IL4: variants seen among roughly 807,000 people sequenced by gnomAD.
IL4 encodes the protein interleukin-4.
In IL4, 10 loss-of-function variants were observed where a neutral mutation model predicts 17.4. That is an observed-to-expected ratio of 0.57 (90% confidence interval 0.35 to 0.97). The LOEUF is 0.97. IL4 is among the 50% of genes least tolerant of loss of function. The pLI is 0.01. For missense variants in IL4, 174 were observed against 187.7 expected (o/e 0.93, Z 0.43); for synonymous variants, 87 against 79.0 (o/e 1.10, Z -0.54).
intron 2 of IL4, among the ~76,000 whole-genome samples, chr5:132,679,463 C>T (rs1340478911): frequency 1.3e-5 from 2 of 152,286 alleles, no homozygotes; most frequent in African/African-American, 2.4e-5. Flanking sequence ...TCGGCAAAAT[C>T]CTCCAAGAGA....
At chr5:132,677,017 G>A (rs972167613) in intron 2 of IL4, among the ~76,000 whole-genome samples, 2 of 152,194 alleles carry the variant, frequency 1.3e-5, no homozygotes, top group East Asian at 1.9e-4. Flanking sequence ...TTCTTGGGTG[G>A]ACAAGTAGTT....
chr5:132,677,026 T>C (rs944744594), intron 2 of IL4, among the ~76,000 whole-genome samples: 2 of 152,208 alleles, frequency 1.3e-5, no homozygotes, highest in African/African-American at 4.8e-5. Flanking sequence ...GGACAAGTAG[T>C]TGGAGCTATT....
intron 2 of IL4, among the ~76,000 whole-genome samples, chr5:132,675,891 G>A (rs1253756906): frequency 3.0e-4 from 44 of 146,766 alleles, no homozygotes; most frequent in African/African-American, 1.0e-3. Flanking sequence ...ATATGTGTGT[G>A]TGTATATATA....
At chr5:132,676,821 T>C (rs1752390901) in intron 2 of IL4, among the ~76,000 whole-genome samples, 1 of 152,244 alleles carries the variant, frequency 6.6e-6, no homozygotes, top group African/African-American at 2.4e-5. Flanking sequence ...ATTTTATTTC[T>C]TCGGGGGAAC....
intron 2 of IL4, among the ~76,000 whole-genome samples, chr5:132,674,858 T>C (rs1287122690): frequency 6.6e-6 from 1 of 152,232 alleles, no homozygotes; most frequent in Non-Finnish European, 1.5e-5. Flanking sequence ...CATACATTTC[T>C]GAAAAACCAA....
Position 132,679,855 on chromosome 5 carries a change from C to T in IL4, c.325C>T (p.Arg109Trp), listed in dbSNP as rs373334025. The T allele has an allele frequency of 2.5e-5, 40 of 1,613,740 alleles. No homozygotes were observed. The highest frequency in any genetic ancestry group is 3.1e-5 in the Non-Finnish European group (37 of 1,179,892). Residue 109 changes from arginine (R) to tryptophan (W), a missense_variant, in exon 3 of 4, where the codon CGG becomes TGG. By Grantham distance (101) the Arg-to-Trp change is moderately radical. Transcript: ENST00000231449. ...RHKQLIRFLK[R>W]LDRNLWGLAG... ...CAAGCAGCTGATCCGATTCCTGAAACGGCTCGACAGGAACCTCTGGGGCCT... is the reference window on the plus strand; with the variant it reads ...CAAGCAGCTGATCCGATTCCTGAAATGGCTCGACAGGAACCTCTGGGGCCT...
chr5:132,676,537 A>T (rs979304527), intron 2 of IL4, among the ~76,000 whole-genome samples: 2 of 151,796 alleles, frequency 1.3e-5, no homozygotes, highest in East Asian at 1.9e-4. Context: ...CCTCCCTCTC[A>T]CACACACAAA....
At chr5:132,678,778 C>A (rs998284468) in intron 2 of IL4, among the ~76,000 whole-genome samples, 2 of 152,204 alleles carry the variant, frequency 1.3e-5, no homozygotes, top group Admixed American at 6.5e-5. Context: ...AAGCTAAGAA[C>A]CCTCTCCAGG....
intron 2 of IL4, among the ~76,000 whole-genome samples, chr5:132,675,917 A>ATGTGTGTGTGTG (rs1321831614): frequency 1.4e-4 from 11 of 80,070 alleles, no homozygotes; most frequent in Admixed American, 1.5e-4. Context: ...GTATGTATAT[A>ATGTGTGTGTGTG]TGTGTATGTA....
At chr5:132,677,297 G>A (rs984792064) in intron 2 of IL4, among the ~76,000 whole-genome samples, 2 of 152,102 alleles carry the variant, frequency 1.3e-5, no homozygotes, top group East Asian at 1.9e-4. Flanking sequence ...TGACATTCCC[G>A]GGAGGGACAG....
At chr5:132,676,706 C>G (rs1032026782) in intron 2 of IL4, among the ~76,000 whole-genome samples, 2 of 152,194 alleles carry the variant, frequency 1.3e-5, no homozygotes, top group Non-Finnish European at 2.9e-5. Context: ...TATTTCAGAA[C>G]AGTGAAATGT....
At chr5:132,681,408 G>A (rs536066773) in intron 3 of IL4, among the ~76,000 whole-genome samples, 1 of 151,938 alleles carries the variant, frequency 6.6e-6, no homozygotes, top group Admixed American at 6.5e-5. Context: ...GGCCATGGGT[G>A]AGGCTGATGT....
In IL4 at chr5:132,674,054, G is replaced by T; in HGVS notation, c.4G>T (p.Gly2Cys). The T allele has an allele frequency of 6.2e-7, 1 of 1,614,022 alleles. No homozygotes were observed. Among genetic ancestry groups the T allele is most frequent in the Non-Finnish European group, 8.5e-7 (1 of 1,179,984 alleles). The change falls in exon 1 of 4, where the codon GGT (glycine) becomes TGT (cysteine). Residue 2 changes from glycine (G) to cysteine (C), a missense_variant. Coordinates refer to ENST00000231449, the MANE Select transcript of IL4 (RefSeq NM_000589.4). MGLTSQLLPPLF... is the reference protein window; with the variant it reads MCLTSQLLPPLF... ...CACTGCAAATCGACACCTATTAATG[G>T]GTCTCACCTCCCAACTGCTTCCCCC...
chr5:132,679,998 A>G (rs1338442295), intron 3 of IL4, 108 bp downstream of exon 3: 2 of 887,524 alleles, frequency 2.3e-6, no homozygotes, highest in Admixed American at 3.0e-5. Context: ...CAACCCATTC[A>G]TTCATTCACT....
At chr5:132,674,342 T>G in intron 1 of IL4, 117 bp from the exon 2 acceptor site, 1 of 1,364,928 alleles carries the variant, frequency 7.3e-7, no homozygotes, top group Non-Finnish European at 1.0e-6. Flanking sequence ...CTCTTTTTTC[T>G]GAGGGTTTGT....
chr5:132,678,308 T>A (rs9282745), intron 2 of IL4, among the ~76,000 whole-genome samples: 2,985 of 141,390 alleles, frequency 0.021, 111 homozygotes, highest in African/African-American at 0.073. Flanking sequence ...AGGAAATGCT[T>A]ATGGTATATG....
rs1178375795 is a variant in IL4 at position 132,680,186 on chromosome 5, CAT to C, written c.360+298_360+299del. Among the ~76,000 whole-genome samples, 2 of 152,054 alleles carry C rather than the reference CAT, an allele frequency of 1.3e-5. No homozygotes were observed. Among genetic ancestry groups the C allele is most frequent in the African/African-American group, 4.8e-5 (2 of 41,390 alleles). On this transcript the variant is annotated intron_variant, in intron 3 of 3. Coordinates refer to ENST00000231449, the MANE Select transcript of IL4 (RefSeq NM_000589.4). This position sits in a 1 kb window ranked among gnomAD's most constrained non-coding sequence, Gnocchi z 4.3. The stretch of plus-strand genomic sequence containing the variant: ...CAGTGATACGTGCTACAAAGAAAAA[CAT>C]AGAAATAAAGAACATAAGAGTCATG...
At chr5:132,674,296 C>A in intron 1 of IL4, 111 bp downstream of exon 1, 1 of 1,378,902 alleles carries the variant, frequency 7.3e-7, no homozygotes, top group Non-Finnish European at 1.0e-6. Flanking sequence ...TGGTTGGTGG[C>A]AGTCCAGGGC....
chr5:132,677,162 G>A (rs1752396916), intron 2 of IL4, among the ~76,000 whole-genome samples: 1 of 152,250 alleles, frequency 6.6e-6, no homozygotes, highest in Non-Finnish European at 1.5e-5. Context: ...GGGCAGGATG[G>A]GAGATAATGA....
Sources: allele counts gnomAD v4.1 joint callset (sites outside exome capture counted in the v4.1 genomes callset), GRCh38; gene constraint gnomAD v4.1.1; non-coding constraint Gnocchi (gnomAD v3.1); transcripts MANE v1.5; gene names NCBI Gene and HGNC (gene_info 2026-07-23, HGNC 2026-07-21).